The following NCOA1 variants were observed in gnomAD, a reference collection of about 807,000 sequenced individuals.
The protein encoded by NCOA1 is Hin-2 protein.
Under a neutral mutation model 150.9 loss-of-function variants are expected in NCOA1, and 35 were observed. The ratio of observed to expected loss-of-function variants is 0.23; its 90% confidence interval spans 0.18 to 0.31. The LOEUF is 0.31. NCOA1 is among the 10% of genes least tolerant of loss of function. NCOA1 has a pLI of 1.00. For missense variants in NCOA1, 1,491 were observed against 1,749.3 expected (o/e 0.85, Z 2.63); for synonymous variants, 590 against 630.0 (o/e 0.94, Z 0.95).
intron 10 of NCOA1, among the ~76,000 whole-genome samples, chr2:24,696,051 TAA>T (rs1298659717): frequency 1.3e-5 from 2 of 152,188 alleles, no homozygotes; most frequent in Admixed American, 6.5e-5. Flanking sequence ...CTTAAAAATC[TAA>T]AATCTTTTAT....
At chr2:24,656,469 G>A (rs1051851959) in intron 4 of NCOA1, among the ~76,000 whole-genome samples, 3 of 151,928 alleles carry the variant, frequency 2.0e-5, no homozygotes, top group Non-Finnish European at 4.4e-5. Context: ...TCATTTCTTC[G>A]CATTGGGAAC....
intron 3 of NCOA1, among the ~76,000 whole-genome samples, chr2:24,630,956 T>C (rs1669681878): frequency 6.6e-6 from 1 of 152,232 alleles, no homozygotes; most frequent in Non-Finnish European, 1.5e-5. Flanking sequence ...AACATTAATA[T>C]GGATGGTTTG....
At chr2:24,624,033 G>A (rs1669293344) in intron 3 of NCOA1, among the ~76,000 whole-genome samples, 1 of 152,124 alleles carries the variant, frequency 6.6e-6, no homozygotes, top group Non-Finnish European at 1.5e-5. Flanking sequence ...AAGGTGTTGT[G>A]TTCCTTTTCT....
intron 22 of NCOA1, among the ~76,000 whole-genome samples, chr2:24,764,062 T>G (rs1442345447): frequency 6.6e-6 from 1 of 152,240 alleles, no homozygotes; most frequent in East Asian, 1.9e-4. Context: ...TGTGAAATGC[T>G]TGTGGTTTGC....
chr2:24,567,575 G>A (rs1224558101), intron 2 of NCOA1, among the ~76,000 whole-genome samples: 1 of 152,250 alleles, frequency 6.6e-6, no homozygotes, highest in South Asian at 2.1e-4. Flanking sequence ...TGTACATCAA[G>A]TCAAAATCTA....
chr2:24,554,870 G>A (rs1394252932), intron 1 of NCOA1, among the ~76,000 whole-genome samples: 2 of 152,132 alleles, frequency 1.3e-5, no homozygotes, highest in Non-Finnish European at 2.9e-5. Flanking sequence ...AAAATGAAAG[G>A]ACAGGATTGG....
intron 20 of NCOA1, among the ~76,000 whole-genome samples, chr2:24,754,574 ATTAAATGTGACCTTATT>A (rs1664411374): frequency 6.6e-6 from 1 of 152,238 alleles, no homozygotes; most frequent in Admixed American, 6.5e-5. Flanking sequence ...AGACACAGAC[ATTAAATGTGACCTTATT>A]ACACTTCCCT....
intron 14 of NCOA1, among the ~76,000 whole-genome samples, chr2:24,714,323 T>A (rs1673910209): frequency 6.6e-6 from 1 of 151,988 alleles, no homozygotes; most frequent in South Asian, 2.1e-4. Context: ...ATAAAAAAAA[T>A]TAAGACACAT....
chr2:24,756,333 T>C (rs548569035), intron 20 of NCOA1, among the ~76,000 whole-genome samples: 25 of 152,344 alleles, frequency 1.6e-4, no homozygotes, highest in African/African-American at 6.0e-4. Context: ...CCCATAAGCA[T>C]ACACACTGTG....
At chr2:24,587,504 A>G (rs990841018) in intron 3 of NCOA1, among the ~76,000 whole-genome samples, 17 of 152,160 alleles carry the variant, frequency 1.1e-4, no homozygotes, top group African/African-American at 4.1e-4. Flanking sequence ...TTTAAAAATA[A>G]TTTTTGTTTT....
At chr2:24,693,380 G>T (rs1220877717) in intron 10 of NCOA1, 33 bp downstream of exon 10, 2 of 1,549,960 alleles carry the variant, frequency 1.3e-6, no homozygotes, top group Admixed American at 1.7e-5. Context: ...TGTTCCATAG[G>T]TATTAATAAT....
intron 14 of NCOA1, among the ~76,000 whole-genome samples, chr2:24,716,821 A>G (rs538855841): frequency 6.6e-6 from 1 of 152,348 alleles, no homozygotes; most frequent in East Asian, 1.9e-4. Context: ...AATTCTACCA[A>G]ACATTTAAGG....
chr2:24,768,737 G>A lies in NCOA1; in HGVS notation c.*346G>A. The A allele has an allele frequency of 4.4e-6, 1 of 227,906 alleles. No individual in the cohort carries two copies. Among genetic ancestry groups the A allele is most frequent in the Non-Finnish European group, 8.7e-6 (1 of 114,842 alleles). 14.1% of individuals were successfully genotyped at this position (227,906 alleles called of 1,614,324 possible). ...TTTTGGAGGAGAACCAAAACGACAA[G>A]TTCCAAGAAGAAGATGAAGCTCCGC... is the stretch of plus-strand genomic sequence containing the variant. On this transcript the variant is annotated 3_prime_UTR_variant, in exon 23 of 23. Coordinates refer to ENST00000348332, the MANE Select transcript of NCOA1 (RefSeq NM_003743.5).
At chr2:24,530,824 T>C (rs1347862279) in intron 1 of NCOA1, among the ~76,000 whole-genome samples, 1 of 152,178 alleles carries the variant, frequency 6.6e-6, no homozygotes, top group Non-Finnish European at 1.5e-5. Flanking sequence ...TTTATGAATA[T>C]TTAGAATTGA....
In NCOA1 at chr2:24,734,709, A is replaced by G. The variant is rs1663200727; in HGVS notation, c.3202-4723A>G. 2.0e-5 allele frequency among the ~76,000 whole-genome samples: 3 copies of G among 152,272 alleles called. No individual in the cohort carries two copies. The East Asian group carries it at 5.8e-4, about 29-fold the overall frequency. On this transcript the variant is annotated intron_variant, in intron 17 of 22. Transcript: ENST00000348332. ...GTAGTCCCAACTACTTAGGAGCCTAAGTTGGGAGGATCTCTTGAGCCAGAG... is the reference window on the plus strand; with the variant it reads ...GTAGTCCCAACTACTTAGGAGCCTAGGTTGGGAGGATCTCTTGAGCCAGAG...
intron 19 of NCOA1, among the ~76,000 whole-genome samples, chr2:24,743,423 A>T (rs1371126702): frequency 6.6e-6 from 1 of 152,202 alleles, no homozygotes; most frequent in East Asian, 1.9e-4. Context: ...GAGCACCAGA[A>T]CTCTAAAGAG....
chr2:24,743,037 A>G (rs1008241192), intron 19 of NCOA1, among the ~76,000 whole-genome samples: 5 of 152,228 alleles, frequency 3.3e-5, no homozygotes, highest in Admixed American at 1.3e-4. Flanking sequence ...CTGGGTGATA[A>G]TATCTTTTCT....
chr2:24,584,247 T>G (rs1325445753), intron 2 of NCOA1, among the ~76,000 whole-genome samples: 2 of 152,190 alleles, frequency 1.3e-5, no homozygotes, highest in Non-Finnish European at 2.9e-5. Flanking sequence ...TTATCTATAT[T>G]CCATTTTATT....
chr2:24,602,858 G>T (rs1420406465), intron 3 of NCOA1, among the ~76,000 whole-genome samples: 6 of 152,180 alleles, frequency 3.9e-5, no homozygotes, highest in Non-Finnish European at 5.9e-5. Flanking sequence ...GTGTAAGCCT[G>T]TCTCAACTTA....
Sources: gnomAD v4.1 joint callset for allele counts (sites outside exome capture counted in the v4.1 genomes callset) on GRCh38, gnomAD v4.1.1 for gene constraint, MANE v1.5 for transcripts, NCBI Gene and HGNC (gene_info 2026-07-23, HGNC 2026-07-21) for gene names.